ZMYND8: variants seen among roughly 807,000 people sequenced by gnomAD.
ZMYND8 encodes the protein zinc finger MYND-type containing 8, also known as MYND-type zinc finger-containing chromatin reader ZMYND8.
In ZMYND8, 37 loss-of-function variants were observed where a neutral mutation model predicts 140.8. The observed-to-expected ratio is 0.26, with a 90% CI of 0.20 to 0.35. ZMYND8 has a LOEUF of 0.35. ZMYND8 is among the 10% of genes least tolerant of loss of function. The pLI, the probability that ZMYND8 is intolerant of heterozygous loss-of-function variation, is 1.00. For missense variants in ZMYND8, 1,068 were observed against 1,570.0 expected, an observed-to-expected ratio of 0.68 and a Z score of 5.40; for synonymous variants, 592 against 597.1, an observed-to-expected ratio of 0.99 and a Z score of 0.12.
intron 2 of ZMYND8, among the ~76,000 whole-genome samples, chr20:47,342,068 AG>A (rs1270669229): frequency 2.0e-5 from 3 of 151,958 alleles, no homozygotes; most frequent in African/African-American, 7.3e-5. Flanking sequence ...GCTGCTCAGG[AG>A]GCTGAGGCAG....
At position 47,238,734 on chromosome 20, in the gene ZMYND8, A is replaced by C. The variant is rs2039570978; in HGVS notation, c.2665+24T>G. On this transcript the variant is annotated intron_variant, in intron 15 of 22. Coordinates refer to ENST00000471951, the MANE Select transcript of ZMYND8 (RefSeq NM_001281775.3). Reference sequence around the variant, plus strand: ...GGCAAAATGGGAGCGGGCGCCACGGAGAACAGAAGGGGAGGCTCGGTACCT... The same window carrying C: ...GGCAAAATGGGAGCGGGCGCCACGGCGAACAGAAGGGGAGGCTCGGTACCT... The C allele has an allele frequency of 1.9e-6, 3 of 1,597,560 alleles. No individual in the cohort carries two copies. In the East Asian group the frequency reaches 6.7e-5, roughly 36 times the overall value.
At chr20:47,235,837 G>A (rs1278342981) in intron 16 of ZMYND8, among the ~76,000 whole-genome samples, 1 of 152,204 alleles carries the variant, frequency 6.6e-6, no homozygotes, top group Non-Finnish European at 1.5e-5. Context: ...GTGCCCCAGA[G>A]GGCAGGAGAC....
At chr20:47,303,791 A>T (rs1172971459) in intron 3 of ZMYND8, among the ~76,000 whole-genome samples, 1 of 151,806 alleles carries the variant, frequency 6.6e-6, no homozygotes, top group Non-Finnish European at 1.5e-5. Context: ...CGAGGTACTG[A>T]TCCTCCAAAA....
At chr20:47,286,850 C>A (rs972809007) in intron 8 of ZMYND8, among the ~76,000 whole-genome samples, 6 of 152,192 alleles carry the variant, frequency 3.9e-5, no homozygotes, top group African/African-American at 1.2e-4. Context: ...AGGCCATGCC[C>A]CCAGATATCA....
rs75532636 is a variant in ZMYND8 at position 47,219,614 on chromosome 20, A to C, written c.3484+644T>G. Among the ~76,000 whole-genome samples, 4 of 152,148 alleles carry C rather than the reference A, an allele frequency of 2.6e-5. No homozygotes were observed. The East Asian group carries it at 5.8e-4, about 22-fold the overall frequency. On this transcript the variant is annotated intron_variant, in intron 21 of 22. Transcript: ENST00000471951. ...GAATGAAGTAAAACTGTCTTCCACCAGGAAGACACCTTCTCTGAACCCTTC... is the reference window on the plus strand; with the variant it reads ...GAATGAAGTAAAACTGTCTTCCACCCGGAAGACACCTTCTCTGAACCCTTC...
rs531046138 is a variant in ZMYND8, at chr20:47,313,394, G to A, written c.86-3190C>T. 6.7e-3 allele frequency among the ~76,000 whole-genome samples: 1,009 copies of A among 150,202 alleles called. 10 individuals carry two copies. The highest frequency in any genetic ancestry group is 8.2e-3 in the Non-Finnish European group (554 of 67,524). ...TCCCAGCACTTTGGGAGGCCAAGGCGGGCGGATTACAAAGTCAGGAGATCG... is the reference window on the plus strand; with the variant it reads ...TCCCAGCACTTTGGGAGGCCAAGGCAGGCGGATTACAAAGTCAGGAGATCG... On this transcript the variant is annotated intron_variant, in intron 2 of 22. Coordinates refer to ENST00000471951, the MANE Select transcript of ZMYND8 (RefSeq NM_001281775.3).
intron 7 of ZMYND8, among the ~76,000 whole-genome samples, chr20:47,287,852 G>GCACACTCACA (rs1261085593): frequency 6.6e-6 from 1 of 151,192 alleles, no homozygotes; most frequent in Non-Finnish European, 1.5e-5. Flanking sequence ...ACACACACAC[G>GCACACTCACA]CACACACGCA....
At chr20:47,345,175 T>C (rs1485161312) in intron 2 of ZMYND8, among the ~76,000 whole-genome samples, 1 of 151,854 alleles carries the variant, frequency 6.6e-6, no homozygotes, top group East Asian at 1.9e-4. Context: ...AAACAGAAAA[T>C]AATGAAATGA....
chr20:47,264,737 C>T (rs977385926), intron 11 of ZMYND8, among the ~76,000 whole-genome samples: 2 of 152,100 alleles, frequency 1.3e-5, no homozygotes, highest in East Asian at 1.9e-4. Context: ...GTTTGTTACA[C>T]GAAGAAACAA....
chr20:47,262,209 C>T (rs2147559455), intron 12 of ZMYND8, 79 bp downstream of exon 12: 4 of 1,593,030 alleles, frequency 2.5e-6, no homozygotes, highest in Middle Eastern at 3.4e-4. Context: ...GTTCAAGAAC[C>T]ACATACACAA....
At chr20:47,285,350 C>T (rs894645673) in intron 8 of ZMYND8, among the ~76,000 whole-genome samples, 2 of 152,162 alleles carry the variant, frequency 1.3e-5, no homozygotes, top group African/African-American at 2.4e-5. Flanking sequence ...AGTAAGTAAG[C>T]GAATGAATGT....
Position 47,310,129 on chromosome 20 carries a change from G to T in ZMYND8, c.161C>A (p.Pro54Gln). 1 of 1,613,916 alleles carries T rather than the reference G, an allele frequency of 6.2e-7. No individual in the cohort carries two copies. The highest frequency in any genetic ancestry group is 8.5e-7 in the Non-Finnish European group (1 of 1,179,996). Residue 54 changes from proline (P) to glutamine (Q), a missense_variant, in exon 3 of 23, where the codon CCG (proline) becomes CAG (glutamine). Physicochemically the swap from Pro to Gln is moderately conservative, Grantham distance 76. This residue lies in a region of ZMYND8 where 77 missense variants were observed against 85.1 expected (regional missense o/e 0.91). Transcript: ENST00000471951. ...SPPHSSNGHS[P>Q]QDTSTSPIKK... ...AATGGGGCTTGTTGATGTGTCCTGC[G>T]GCGAGTGGCCATTGGAAGAATGTGG...
chr20:47,244,923 G>A (rs1159573765), intron 14 of ZMYND8, among the ~76,000 whole-genome samples: 1 of 152,070 alleles, frequency 6.6e-6, no homozygotes, highest in Non-Finnish European at 1.5e-5. Context: ...CAGGCGTGGT[G>A]GCAGGTGCCT....
At chr20:47,273,705 T>C (rs774132717) in intron 11 of ZMYND8, among the ~76,000 whole-genome samples, 1 of 152,072 alleles carries the variant, frequency 6.6e-6, no homozygotes, top group Non-Finnish European at 1.5e-5. Flanking sequence ...CAATCACAGG[T>C]CATTGTGGCC....
At chr20:47,280,280 C>T (rs1245070786) in intron 10 of ZMYND8, among the ~76,000 whole-genome samples, 3 of 152,280 alleles carry the variant, frequency 2.0e-5, no homozygotes, top group East Asian at 1.9e-4. Context: ...CCCAACAACA[C>T]GGTGCACTCC....
chr20:47,316,006 G>A (rs960023326), intron 2 of ZMYND8, among the ~76,000 whole-genome samples: 2 of 152,154 alleles, frequency 1.3e-5, no homozygotes, highest in African/African-American at 4.8e-5. Flanking sequence ...TGCTGAAATT[G>A]TAACAATATG....
At chr20:47,338,134 C>T (rs77211026) in intron 2 of ZMYND8, among the ~76,000 whole-genome samples, 1,603 of 152,226 alleles carry the variant, frequency 0.011, 24 homozygotes, top group Admixed American at 0.03. Flanking sequence ...GAGGACCCAT[C>T]TCTTTCCCAG....
chr20:47,310,670 C>T (rs1336049500), intron 2 of ZMYND8, among the ~76,000 whole-genome samples: 2 of 151,592 alleles, frequency 1.3e-5, no homozygotes, highest in Non-Finnish European at 2.9e-5. Context: ...CCTTTAATCC[C>T]AGCTACTCGG....
At chr20:47,303,282 CT>C (rs1298673502) in intron 3 of ZMYND8, among the ~76,000 whole-genome samples, 1 of 151,866 alleles carries the variant, frequency 6.6e-6, no homozygotes, top group African/African-American at 2.4e-5. Context: ...CCTTCTTTTT[CT>C]TTTTTTTCAG....
Sources: gnomAD v4.1 joint callset for allele counts (sites outside exome capture counted in the v4.1 genomes callset) on GRCh38, gnomAD v4.1.1 for gene constraint, gnomAD v4.1.1 regional missense constraint, MANE v1.5 for transcripts, NCBI Gene and HGNC (gene_info 2026-07-23, HGNC 2026-07-21) for gene names.